TANC2: variants seen among roughly 807,000 people sequenced by gnomAD.
The protein encoded by TANC2 is tetratricopeptide repeat, ankyrin repeat and coiled-coil containing 2.
Under a neutral mutation model 210.5 loss-of-function variants are expected in TANC2, and 26 were observed. That is an observed-to-expected ratio of 0.12 (90% confidence interval 0.09 to 0.17). TANC2 has a LOEUF of 0.17. Ranked by LOEUF, TANC2 falls within the 10% of genes least tolerant of loss-of-function variation. The pLI is 1.00. For missense variants in TANC2, 2,129 were observed against 2,608.9 expected (o/e 0.82, Z 4.01); for synonymous variants, 931 against 967.1 (o/e 0.96, Z 0.69).
At chr17:63,415,429 T>C in intron 25 of TANC2, 99 bp from the exon 26 acceptor site, 2 of 1,491,416 alleles carry the variant, frequency 1.3e-6, no homozygotes, top group South Asian at 2.6e-5. Context: ...GGGTTAGCCC[T>C]TAGTAACAGC....
chr17:63,312,656 C>T (rs1181916865), intron 9 of TANC2, among the ~76,000 whole-genome samples: 2 of 152,078 alleles, frequency 1.3e-5, no homozygotes, highest in Non-Finnish European at 2.9e-5. Flanking sequence ...ATTCATACCC[C>T]AAACCTCAGC....
chr17:63,130,373 G>C (rs900881582), intron 4 of TANC2, among the ~76,000 whole-genome samples: 4 of 152,014 alleles, frequency 2.6e-5, no homozygotes, highest in Non-Finnish European at 5.9e-5. Context: ...TTAGCTGGGC[G>C]TGGTGGTGCA....
In TANC2 at chr17:63,420,973, T is replaced by C. The variant is rs377743142; in HGVS notation, c.5243T>C (p.Ile1748Thr). ...AGCCGGTTGGTTTATCAAGGGTCAA[T>C]TGGGGGAATCGTAGGGGATGGAAGG... Residue 1748 changes from isoleucine (I) to threonine (T), a missense_variant, in exon 28 of 28, where the codon ATT becomes ACT. Transcript: ENST00000689528. This position sits in a 1 kb window ranked among gnomAD's most constrained non-coding sequence, Gnocchi z 4.2. The C allele has an allele frequency of 3.0e-5, 48 of 1,613,788 alleles. No homozygotes were observed. The highest frequency in any genetic ancestry group is 1.2e-4 in the South Asian group (11 of 91,086).
chr17:63,003,642 C>T (rs2033483485), intron 1 of TANC2, among the ~76,000 whole-genome samples: 3 of 152,080 alleles, frequency 2.0e-5, no homozygotes, highest in Non-Finnish European at 2.9e-5. Flanking sequence ...TGCAGGTAAC[C>T]GAAACCATGG....
chr17:62,994,614 A>AATT (rs2033023707), intron 1 of TANC2, among the ~76,000 whole-genome samples: 1 of 152,000 alleles, frequency 6.6e-6, no homozygotes, highest in African/African-American at 2.4e-5. Flanking sequence ...CTATGGAGGT[A>AATT]ATTATTAAAG....
At chr17:63,413,587 A>G (rs773002015) in exon 25 of TANC2, 14 of 1,602,836 alleles carry the variant, frequency 8.7e-6, no homozygotes, top group Non-Finnish European at 1.2e-5. Context: ...AGACATCATG[A>G]TCATCCTGTT....
chr17:63,177,126 A>C (rs2040612033), intron 5 of TANC2, among the ~76,000 whole-genome samples: 2 of 150,238 alleles, frequency 1.3e-5, no homozygotes, highest in Non-Finnish European at 3.0e-5. Flanking sequence ...TTAGCTGGGC[A>C]TGGTGGCACA....
Position 63,096,892 on chromosome 17 carries a change from T to G in TANC2, c.140-2283T>G, listed in dbSNP as rs552080428. Among the ~76,000 whole-genome samples, 18 of 143,408 alleles carry G rather than the reference T, an allele frequency of 1.3e-4. No homozygotes were observed. In the South Asian group the frequency reaches 4.0e-3, roughly 32 times the overall value. 94.1% of individuals were successfully genotyped at this position (143,408 alleles called of 152,430 possible). A position where few individuals can be genotyped will look rare whatever the true frequency, so the allele number is the denominator to read the frequency against. Reference sequence around the variant, plus strand: ...CCACCAACTTTTTTTTGTTCTCCTATTTTTTTATTATACCCATTTTAGTGG... The same window carrying G: ...CCACCAACTTTTTTTTGTTCTCCTAGTTTTTTATTATACCCATTTTAGTGG... On this transcript the variant is annotated intron_variant, in intron 3 of 27. Transcript: ENST00000689528.
intron 2 of TANC2, among the ~76,000 whole-genome samples, chr17:63,056,450 G>A (rs1220284980): frequency 6.6e-6 from 1 of 152,126 alleles, no homozygotes; most frequent in Non-Finnish European, 1.5e-5. Context: ...GGCCAAGGCA[G>A]GAGGATGGCT....
chr17:63,202,569 A>G (rs2145810628), intron 7 of TANC2, among the ~76,000 whole-genome samples: 1 of 152,296 alleles, frequency 6.6e-6, no homozygotes, highest in African/African-American at 2.4e-5. Context: ...GCAGAGCATA[A>G]ATGGGGAATG....
chr17:63,310,838 A>G (rs1355777130), intron 9 of TANC2, among the ~76,000 whole-genome samples: 19 of 152,236 alleles, frequency 1.2e-4, no homozygotes, highest in Admixed American at 1.2e-3. Flanking sequence ...TCACGCAACC[A>G]GGATAATCTT....
At chr17:62,970,312 A>G (rs543302726) in intron 1 of TANC2, among the ~76,000 whole-genome samples, 7 of 152,306 alleles carry the variant, frequency 4.6e-5, no homozygotes, top group South Asian at 2.1e-4. Context: ...ATTGTCATAC[A>G]CTCAGACTAT....
At chr17:63,122,730 T>A (rs1231452052) in intron 4 of TANC2, among the ~76,000 whole-genome samples, 1 of 152,102 alleles carries the variant, frequency 6.6e-6, no homozygotes, top group Non-Finnish European at 1.5e-5. Context: ...AGACTGTATC[T>A]CAAAAAAGAA....
At chr17:63,217,934 A>T (rs1217322898) in intron 7 of TANC2, among the ~76,000 whole-genome samples, 2 of 152,212 alleles carry the variant, frequency 1.3e-5, no homozygotes, top group Non-Finnish European at 2.9e-5. Context: ...AGTGTAGTTA[A>T]TCATTAATAA....
intron 11 of TANC2, among the ~76,000 whole-genome samples, chr17:63,335,252 A>G (rs2045986459): frequency 6.6e-6 from 1 of 152,194 alleles, no homozygotes; most frequent in South Asian, 2.1e-4. Context: ...CAGTTACATC[A>G]TGAGAAAACA....
At chr17:63,326,501 T>C (rs1355652659) in intron 11 of TANC2, among the ~76,000 whole-genome samples, 5 of 152,022 alleles carry the variant, frequency 3.3e-5, no homozygotes, top group Admixed American at 6.6e-5. Flanking sequence ...GAAGAAAAGA[T>C]TGACAAATTT....
chr17:63,317,425 C>CACG, intron 10 of TANC2, among the ~76,000 whole-genome samples: 1 of 151,462 alleles, frequency 6.6e-6, no homozygotes, highest in East Asian at 1.9e-4. Context: ...CATCAGTCTC[C>CACG]ACCACCACCA....
At chr17:63,023,556 A>T (rs2034434363) in intron 2 of TANC2, among the ~76,000 whole-genome samples, 2 of 152,112 alleles carry the variant, frequency 1.3e-5, no homozygotes, top group Non-Finnish European at 1.5e-5. Context: ...TGCTTTGTTC[A>T]GTTTGGGACT....
chr17:63,009,465 G>GACTATAGTCAATA, intron 1 of TANC2, 72 bp from the exon 2 acceptor site: 1 of 979,288 alleles, frequency 1.0e-6, no homozygotes, highest in Non-Finnish European at 1.6e-6. Flanking sequence ...TATAGTTATT[G>GACTATAGTCAATA]ACTATAGTCA....
Sources: allele counts gnomAD v4.1 joint callset (sites outside exome capture counted in the v4.1 genomes callset), GRCh38; gene constraint gnomAD v4.1.1; non-coding constraint Gnocchi (gnomAD v3.1); transcripts MANE v1.5; gene names NCBI Gene and HGNC (gene_info 2026-07-23, HGNC 2026-07-21).